Variants in SAXO1 observed in about 807,000 individuals in gnomAD.
The protein encoded by SAXO1 is 4930500O09Rik.
A neutral mutation model predicts 17.5 loss-of-function variants in SAXO1; 21 were observed. The observed-to-expected ratio is 1.20, with a 90% CI of 0.85 to 1.72. The LOEUF (loss-of-function observed/expected upper bound fraction) is 1.72, where lower values mean the gene tolerates loss of function less well. SAXO1 is among the 40% of genes most tolerant of loss of function. SAXO1 has a pLI of 0.00. For synonymous variants in SAXO1, 274 were observed against 216.5 expected (o/e 1.27, Z -2.33); for missense variants, 843 against 596.0 (o/e 1.41, Z -4.32).
At chr9:19,020,573 G>A (rs1406409648) in intron 1 of SAXO1, among the ~76,000 whole-genome samples, 1 of 152,048 alleles carries the variant, frequency 6.6e-6, no homozygotes, top group Non-Finnish European at 1.5e-5. Flanking sequence ...AGCCCAGGCT[G>A]GTCTTGAACT....
Position 18,928,736 on chromosome 9 carries a change from C to G in SAXO1, c.741G>C (p.Leu247=). 6.2e-7 allele frequency: 1 copy of G among 1,614,162 alleles called. No individual in the cohort carries two copies. The highest frequency in any genetic ancestry group is 8.5e-7 in the Non-Finnish European group (1 of 1,180,030). Residue 247 remains leucine, a synonymous_variant, in exon 4 of 4, where the codon CTG becomes CTC. Coordinates refer to ENST00000380534, the MANE Select transcript of SAXO1 (RefSeq NM_153707.4). ...TCAAGCTCTTGGCAGGCTCCCCCATCAGGCCCCGGTAGGATTGTTTTTGAG... is the reference window on the plus strand; with the variant it reads ...TCAAGCTCTTGGCAGGCTCCCCCATGAGGCCCCGGTAGGATTGTTTTTGAG... ...LTTQKQSYRG[L]MGEPAKSLKP... is the part of the protein sequence containing the mutation.
chr9:19,031,927 G>A (rs1460530766), intron 1 of SAXO1, among the ~76,000 whole-genome samples: 1 of 152,116 alleles, frequency 6.6e-6, no homozygotes, highest in Non-Finnish European at 1.5e-5. Context: ...ATTTTTATAT[G>A]CATGTGTCAT....
intron 1 of SAXO1, among the ~76,000 whole-genome samples, chr9:18,967,215 C>T (rs577927683): frequency 1.5e-3 from 236 of 152,298 alleles, no homozygotes; most frequent in Non-Finnish European, 2.8e-3. Flanking sequence ...AGCCAGGAGG[C>T]CTGGGGGTCA....
chr9:18,930,239 C>A (rs1481947420), intron 3 of SAXO1, among the ~76,000 whole-genome samples: 3 of 152,196 alleles, frequency 2.0e-5, no homozygotes, highest in Non-Finnish European at 2.9e-5. Flanking sequence ...ACTGGCCAAT[C>A]TAGATGTCCA....
rs1588504847 is a variant in SAXO1 at position 18,999,192 on chromosome 9, T to C, written c.38+33679A>G. On this transcript the variant is annotated intron_variant, in intron 1 of 3. Coordinates refer to ENST00000380534, the MANE Select transcript of SAXO1 (RefSeq NM_153707.4). ...GATAAAGAGTCAAGACCTACCTGTG[T>C]GCTGTATTCAGGAAACCCATCTTAG... is the stretch of plus-strand genomic sequence containing the variant. Among the ~76,000 whole-genome samples, 2 of 152,242 alleles carry C rather than the reference T, an allele frequency of 1.3e-5. 1 individual carries two copies. The highest frequency in any genetic ancestry group is 4.1e-4 in the South Asian group (2 of 4,836).
chr9:19,003,597 A>G (rs568425894), intron 1 of SAXO1, among the ~76,000 whole-genome samples: 2 of 152,352 alleles, frequency 1.3e-5, no homozygotes, highest in African/African-American at 4.8e-5. Flanking sequence ...CTACACATCT[A>G]CAACCATCTG....
intron 1 of SAXO1, among the ~76,000 whole-genome samples, chr9:18,973,409 A>G (rs1833024346): frequency 6.6e-6 from 1 of 152,248 alleles, no homozygotes. Flanking sequence ...AGGACACTGC[A>G]TGCCAAGTGA....
intron 1 of SAXO1, among the ~76,000 whole-genome samples, chr9:19,021,748 A>C (rs1366569350): frequency 2.6e-5 from 4 of 152,250 alleles, no homozygotes; most frequent in African/African-American, 9.6e-5. Flanking sequence ...AAAGGATTGC[A>C]AATGCACCAA....
chr9:18,972,846 C>A (rs924597232), intron 1 of SAXO1, among the ~76,000 whole-genome samples: 1 of 152,246 alleles, frequency 6.6e-6, no homozygotes, highest in Non-Finnish European at 1.5e-5. Flanking sequence ...TCGAGTCCTT[C>A]CGGGCCTAAG....
intron 1 of SAXO1, among the ~76,000 whole-genome samples, chr9:18,980,534 G>GAGGC (rs1302386825): frequency 6.9e-6 from 1 of 145,514 alleles, no homozygotes; most frequent in Non-Finnish European, 1.5e-5. Flanking sequence ...GTGGCGGGGG[G>GAGGC]AGGGAGGGAG....
intron 1 of SAXO1, chr9:19,027,945 G>C (rs1835572298): frequency 6.9e-7 from 1 of 1,448,168 alleles, no homozygotes; most frequent in Admixed American, 1.8e-5. Context: ...CGTCAGTCCT[G>C]ACGTGAACTG....
rs143100719 is a variant in SAXO1, at chr9:18,953,776, A to G, written c.39-2839T>C. Among the ~76,000 whole-genome samples, 170 of 152,334 alleles carry G rather than the reference A, an allele frequency of 1.1e-3. 1 individual carries two copies. The East Asian group carries it at 0.019, about 17-fold the overall frequency. On this transcript the variant is annotated intron_variant, in intron 1 of 3. Coordinates refer to ENST00000380534, the MANE Select transcript of SAXO1 (RefSeq NM_153707.4). ...GGAAGCTAGCCAATATTATATACGT[A>G]TTTAATAGATGGATAAACAGTGTGT...
intron 1 of SAXO1, among the ~76,000 whole-genome samples, chr9:19,031,701 C>T (rs549757287): frequency 6.6e-6 from 1 of 152,308 alleles, no homozygotes; most frequent in Non-Finnish European, 1.5e-5. Context: ...TTCAGTGAGT[C>T]CCAGTCCTAG....
chr9:18,998,202 A>G (rs1834092890), intron 1 of SAXO1, among the ~76,000 whole-genome samples: 1 of 152,142 alleles, frequency 6.6e-6, no homozygotes, highest in Non-Finnish European at 1.5e-5. Flanking sequence ...ATCACAAGGA[A>G]GCTAAAAACC....
intron 3 of SAXO1, among the ~76,000 whole-genome samples, chr9:18,935,848 GC>G (rs1169827782): frequency 6.6e-6 from 1 of 152,100 alleles, no homozygotes; most frequent in Non-Finnish European, 1.5e-5. Context: ...ATCAAGTCAG[GC>G]CCCACTGACA....
At chr9:19,007,350 A>C (rs1267632312) in intron 1 of SAXO1, among the ~76,000 whole-genome samples, 1 of 152,226 alleles carries the variant, frequency 6.6e-6, no homozygotes, top group East Asian at 1.9e-4. Context: ...CATCTCAAAA[A>C]AAAATGAAAA....
At chr9:18,973,502 T>G (rs1467918184) in intron 1 of SAXO1, among the ~76,000 whole-genome samples, 1 of 152,236 alleles carries the variant, frequency 6.6e-6, no homozygotes, top group Non-Finnish European at 1.5e-5. Context: ...CACACAGGAA[T>G]CTCAAACAAA....
At chr9:18,980,561 A>AGGAG (rs1563959599) in intron 1 of SAXO1, among the ~76,000 whole-genome samples, 2 of 134,362 alleles carry the variant, frequency 1.5e-5, no homozygotes, top group African/African-American at 5.9e-5. Context: ...AAGAGGAAGA[A>AGGAG]GAGGAGGAGG....
rs78731106 is a variant in SAXO1 at position 18,942,892 on chromosome 9, T to A, written c.219-1053A>T. ...CAAACTGTTTTTGCCTGGAACCCAT[T>A]TATTCAACTGGACAAAGGGAAGGTA... On this transcript the variant is annotated intron_variant, in intron 2 of 3. Coordinates refer to ENST00000380534, the MANE Select transcript of SAXO1 (RefSeq NM_153707.4). Among the ~76,000 whole-genome samples the A allele has an allele frequency of 8.2e-3, 1,249 of 152,334 alleles. 9 individuals carry two copies. Among genetic ancestry groups the A allele is most frequent in the Non-Finnish European group, 0.012 (794 of 68,030 alleles).
Sources: gnomAD v4.1 joint callset for allele counts (sites outside exome capture counted in the v4.1 genomes callset) on GRCh38, gnomAD v4.1.1 for gene constraint, MANE v1.5 for transcripts, NCBI Gene and HGNC (gene_info 2026-07-23, HGNC 2026-07-21) for gene names.